PRKCH: variants seen among roughly 807,000 people sequenced by gnomAD.
PRKCH encodes the protein protein kinase C eta type.
Under a neutral mutation model 82.5 loss-of-function variants are expected in PRKCH, and 28 were observed. The ratio of observed to expected loss-of-function variants is 0.34; its 90% CI spans 0.25 to 0.47. PRKCH has a LOEUF of 0.47. Among genes scored for constraint, PRKCH ranks in the 20% least tolerant of loss-of-function variants. The pLI is 1.00. For synonymous variants in PRKCH, 322 were observed against 327.4 expected, an observed-to-expected ratio of 0.98 and a Z score of 0.18; for missense variants, 705 against 881.8, an observed-to-expected ratio of 0.80 and a Z score of 2.54.
At chr14:61,439,165 A>G (rs1217879377) in intron 2 of PRKCH, among the ~76,000 whole-genome samples, 2 of 152,184 alleles carry the variant, frequency 1.3e-5, no homozygotes, top group Admixed American at 6.5e-5. Context: ...TTTAAGCACC[A>G]TAGTATTCAA....
At chr14:61,300,411 G>C (rs374151001) in intron 1 of PRKCH, among the ~76,000 whole-genome samples, 2 of 152,138 alleles carry the variant, frequency 1.3e-5, no homozygotes, top group African/African-American at 2.4e-5. Context: ...TGCTAAGCCT[G>C]GCAATATGAC....
rs746804971 is a variant in PRKCH, at chr14:61,457,161, T to G, written c.961-15T>G. On this transcript the variant is annotated splice_polypyrimidine_tract_variant and intron_variant, in intron 7 of 13. Coordinates refer to ENST00000332981, the MANE Select transcript of PRKCH (RefSeq NM_006255.5). ...CTGCTGCAATTTCTGACTTAATGTG[T>G]TCTTACTCTTTCAGAAACTCGTTTC... is the stretch of plus-strand genomic sequence containing the variant. 1 of 1,613,404 alleles carries G rather than the reference T, an allele frequency of 6.2e-7. No individual in the cohort carries two copies. Among genetic ancestry groups the G allele is most frequent in the Non-Finnish European group, 8.5e-7 (1 of 1,179,576 alleles).
At chr14:61,380,125 C>A (rs1312034964) in intron 1 of PRKCH, among the ~76,000 whole-genome samples, 2 of 152,040 alleles carry the variant, frequency 1.3e-5, no homozygotes, top group Admixed American at 6.5e-5. Flanking sequence ...GTGTTGGAAT[C>A]GTGGTTCATT....
chr14:61,453,259 C>T lies in PRKCH; in HGVS notation c.866C>T (p.Ala289Val), dbSNP rs1475357713. The stretch of plus-strand genomic sequence containing the variant: ...ATGAATGTGCATATTCGATGTCAAG[C>T]GAACGTGGCCCCTAACTGTGGGGTA... ...CKMNVHIRCQ[A>V]NVAPNCGVNA... Residue 289 changes from alanine (A) to valine (V), a missense_variant, in exon 7 of 14, where the codon GCG becomes GTG. By Grantham distance (64) the Ala-to-Val change is moderately conservative. Transcript: ENST00000332981. 6 of 1,614,048 alleles carry T rather than the reference C, an allele frequency of 3.7e-6. No individual in the cohort carries two copies. In the Admixed American group the frequency reaches 5.0e-5, roughly 13 times the overall value.
At chr14:61,378,664 CTT>C (rs1486824839) in intron 1 of PRKCH, among the ~76,000 whole-genome samples, 2 of 152,174 alleles carry the variant, frequency 1.3e-5, no homozygotes, top group Non-Finnish European at 2.9e-5. Context: ...ACATTGAACT[CTT>C]TGTCTTTCCT....
At chr14:61,369,242 C>A (rs943987652) in intron 1 of PRKCH, among the ~76,000 whole-genome samples, 2 of 152,050 alleles carry the variant, frequency 1.3e-5, no homozygotes, top group Non-Finnish European at 2.9e-5. Flanking sequence ...CTTGCTGGAC[C>A]CCCATGCCCA....
intron 1 of PRKCH, among the ~76,000 whole-genome samples, chr14:61,243,977 T>C (rs929203739): frequency 4.0e-5 from 6 of 151,422 alleles, no homozygotes; most frequent in African/African-American, 1.5e-4. Flanking sequence ...AGCAACACTT[T>C]AGCTTTCTCT....
intron 1 of PRKCH, among the ~76,000 whole-genome samples, chr14:61,377,189 A>G (rs1265791421): frequency 6.6e-6 from 1 of 152,134 alleles, no homozygotes; most frequent in Non-Finnish European, 1.5e-5. Flanking sequence ...ATGTCCCATG[A>G]TGCTAAACTT....
chr14:61,211,654 A>G (rs1464812022), intron 1 of PRKCH, among the ~76,000 whole-genome samples: 3 of 152,192 alleles, frequency 2.0e-5, no homozygotes, highest in East Asian at 1.9e-4. Flanking sequence ...CTGTGCAGCC[A>G]TCAGAGTGCA....
At chr14:61,325,993 C>G (rs1413746662) in intron 1 of PRKCH, among the ~76,000 whole-genome samples, 1 of 152,168 alleles carries the variant, frequency 6.6e-6, no homozygotes, top group Non-Finnish European at 1.5e-5. Context: ...ACCTGGAACT[C>G]TCATATGCTA....
At chr14:61,511,813 G>A (rs1025792907) in intron 10 of PRKCH, among the ~76,000 whole-genome samples, 6 of 152,276 alleles carry the variant, frequency 3.9e-5, no homozygotes, top group African/African-American at 9.6e-5. Flanking sequence ...AATCTGTCAC[G>A]CAACCCAGAT....
chr14:61,478,202 T>C (rs929976421), intron 9 of PRKCH, among the ~76,000 whole-genome samples: 1 of 152,214 alleles, frequency 6.6e-6, no homozygotes, highest in African/African-American at 2.4e-5. Context: ...TTAGCTTAAA[T>C]CATTTAATCC....
At chr14:61,216,032 T>C (rs1439201654) in intron 1 of PRKCH, among the ~76,000 whole-genome samples, 1 of 152,202 alleles carries the variant, frequency 6.6e-6, no homozygotes, top group Non-Finnish European at 1.5e-5. Flanking sequence ...TAGCAAATTT[T>C]ATACACCCTG....
At chr14:61,424,080 A>T (rs566889603) in intron 2 of PRKCH, among the ~76,000 whole-genome samples, 1 of 152,226 alleles carries the variant, frequency 6.6e-6, no homozygotes, top group South Asian at 2.1e-4. Flanking sequence ...CATGTAAGAC[A>T]TATCTGCTTC....
chr14:61,360,316 C>T (rs974152721), intron 1 of PRKCH, among the ~76,000 whole-genome samples: 4 of 152,214 alleles, frequency 2.6e-5, no homozygotes, highest in Admixed American at 6.5e-5. Flanking sequence ...ACCAGCCTGG[C>T]CAACATGGTG....
chr14:61,267,808 AATC>A (rs2045116715), intron 1 of PRKCH, among the ~76,000 whole-genome samples: 1 of 152,216 alleles, frequency 6.6e-6, no homozygotes, highest in African/African-American at 2.4e-5. Flanking sequence ...AGATGTCGAG[AATC>A]ATAAGATGCA....
intron 1 of PRKCH, among the ~76,000 whole-genome samples, chr14:61,325,310 A>G (rs1175272769): frequency 6.6e-6 from 1 of 152,204 alleles, no homozygotes; most frequent in Non-Finnish European, 1.5e-5. Context: ...CTAGGAATAG[A>G]TCCACACATA....
Position 61,362,095 on chromosome 14 carries a change from G to A in PRKCH, c.364-29130G>A, listed in dbSNP as rs148350166. Among the ~76,000 whole-genome samples, 219 of 152,236 alleles carry A rather than the reference G, an allele frequency of 1.4e-3. 4 individuals are homozygous for A. The highest frequency in any genetic ancestry group is 6.8e-3 in the Middle Eastern group (2 of 294). ...CCCATGCCTGTAATCCAAACACTTCGGGAGGCTGAAGCGGGAGGATTGCTT... is the reference window on the plus strand; with the variant it reads ...CCCATGCCTGTAATCCAAACACTTCAGGAGGCTGAAGCGGGAGGATTGCTT... On this transcript the variant is annotated intron_variant, in intron 1 of 13. Coordinates refer to ENST00000332981, the MANE Select transcript of PRKCH (RefSeq NM_006255.5).
chr14:61,434,296 T>C (rs144891887), intron 2 of PRKCH, among the ~76,000 whole-genome samples: 1 of 152,320 alleles, frequency 6.6e-6, no homozygotes, highest in Non-Finnish European at 1.5e-5. Context: ...GTGAGAGTCA[T>C]AGTGGGGTTG....
Sources: allele counts gnomAD v4.1 joint callset (sites outside exome capture counted in the v4.1 genomes callset), GRCh38; gene constraint gnomAD v4.1.1; transcripts MANE v1.5; gene names NCBI Gene and HGNC (gene_info 2026-07-23, HGNC 2026-07-21).